TPRG1: variants seen among roughly 807,000 people sequenced by gnomAD.
TPRG1 encodes the protein tumor protein p63-regulated gene 1 protein.
In TPRG1, 29 loss-of-function variants were observed where a neutral mutation model predicts 29.3. The observed-to-expected ratio is 0.99, with a 90% CI of 0.74 to 1.35. TPRG1 has a LOEUF of 1.35. Ranked by LOEUF, TPRG1 falls within the 40% of genes most tolerant of loss-of-function variation. TPRG1 has a pLI of 0.00. For missense variants in TPRG1, 327 were observed against 335.0 expected (o/e 0.98, Z 0.19); for synonymous variants, 130 against 116.8 (o/e 1.11, Z -0.73).
chr3:189,149,771 G>A (rs757836116), intron 4 of TPRG1, among the ~76,000 whole-genome samples: 4 of 152,134 alleles, frequency 2.6e-5, no homozygotes, highest in South Asian at 4.2e-4. Flanking sequence ...GCCTGTGTCC[G>A]GAACTGCCTC....
intron 4 of TPRG1, among the ~76,000 whole-genome samples, chr3:189,271,186 C>A (rs1715064247): frequency 6.6e-6 from 1 of 152,188 alleles, no homozygotes; most frequent in South Asian, 2.1e-4. Flanking sequence ...AGGGCGTTTT[C>A]TACTGTAACA....
In TPRG1 at chr3:189,055,439, C is replaced by T. The variant is rs1205637453; in HGVS notation, c.-463+31493C>T. Among the ~76,000 whole-genome samples the T allele has an allele frequency of 5.9e-5, 9 of 152,184 alleles. No homozygotes were observed. The East Asian group carries it at 1.5e-3, about 26-fold the overall frequency. On this transcript the variant is annotated intron_variant, in intron 4 of 10. Coordinates refer to the TPRG1 transcript ENST00000433971. ...TATCAACCAGAGGTCCGCAAGGGCCCACTCAGGCTCTGATTCACAGGGAAG... is the reference window on the plus strand; with the variant it reads ...TATCAACCAGAGGTCCGCAAGGGCCTACTCAGGCTCTGATTCACAGGGAAG...
rs1740048857 is a variant in TPRG1 at position 189,239,037 on chromosome 3, T to C, written c.479+128T>C. 5 of 730,876 alleles carry C rather than the reference T, an allele frequency of 6.8e-6. No homozygotes were observed. In the East Asian group the frequency reaches 8.5e-5, roughly 12 times the overall value. The allele number at this position is 730,876 out of a possible 1,614,324, so 45.3% of individuals were successfully genotyped here. A position where few individuals can be genotyped will look rare whatever the true frequency, so the allele number is the denominator to read the frequency against. ...AGGGAGGATAGTGAAATCATGAAAG[T>C]TGAAATCATTAAACTAGAGTTCCTA... On this transcript the variant is annotated intron_variant, in intron 4 of 5. Coordinates refer to ENST00000345063, the MANE Select transcript of TPRG1 (RefSeq NM_198485.4).
chr3:189,026,321 G>A (rs948138818), intron 4 of TPRG1, among the ~76,000 whole-genome samples: 36 of 152,180 alleles, frequency 2.4e-4, no homozygotes, highest in African/African-American at 7.5e-4. Context: ...CTTCTTATAA[G>A]GACATCAGTC....
At chr3:189,316,968 C>T (rs1723639279) in intron 5 of TPRG1, among the ~76,000 whole-genome samples, 1 of 152,108 alleles carries the variant, frequency 6.6e-6, no homozygotes, top group South Asian at 2.1e-4. Context: ...TCTCTGTAAC[C>T]ATGCCCTCCC....
At chr3:189,036,776 T>C (rs1473625376) in intron 4 of TPRG1, among the ~76,000 whole-genome samples, 1 of 151,910 alleles carries the variant, frequency 6.6e-6, no homozygotes, top group Non-Finnish European at 1.5e-5. Context: ...AATTTAGATG[T>C]AATGTACAGA....
At chr3:189,135,709 T>A (rs1280136402) in intron 3 of TPRG1, among the ~76,000 whole-genome samples, 4 of 152,240 alleles carry the variant, frequency 2.6e-5, no homozygotes, top group African/African-American at 9.6e-5. Flanking sequence ...ACTTATTGGC[T>A]ATGGAACATC....
chr3:189,153,746 C>T (rs2108608077), intron 5 of TPRG1, among the ~76,000 whole-genome samples: 1 of 152,300 alleles, frequency 6.6e-6, no homozygotes, highest in East Asian at 1.9e-4. Flanking sequence ...GAGCTTGTTG[C>T]AGGCCAGAAA....
intron 1 of TPRG1, among the ~76,000 whole-genome samples, chr3:189,106,318 C>A (rs767986962): frequency 6.6e-6 from 1 of 152,100 alleles, no homozygotes; most frequent in Non-Finnish European, 1.5e-5. Flanking sequence ...TTGTCTGCAA[C>A]CCCAACCCTC....
chr3:189,078,533 G>T (rs1717377279), intron 4 of TPRG1, among the ~76,000 whole-genome samples: 1 of 152,152 alleles, frequency 6.6e-6, no homozygotes, highest in African/African-American at 2.4e-5. Flanking sequence ...AGCGAAGGAA[G>T]GTAGACCTGG....
chr3:189,102,533 G>A (rs1002002264), intron 1 of TPRG1, among the ~76,000 whole-genome samples: 11 of 152,226 alleles, frequency 7.2e-5, no homozygotes, highest in African/African-American at 2.4e-4. Flanking sequence ...ATCAGTTCTA[G>A]TATGTAAATT....
chr3:189,191,640 G>A (rs1731706969), intron 1 of TPRG1, among the ~76,000 whole-genome samples: 1 of 152,116 alleles, frequency 6.6e-6, no homozygotes, highest in South Asian at 2.1e-4. Flanking sequence ...TTAGCATTCA[G>A]CATTTTGGGA....
rs1431331744 is a variant in TPRG1, at chr3:189,321,861, G to A, written c.*1041G>A. 6.6e-6 allele frequency: 1 copy of A among 152,128 alleles called. No individual in the cohort carries two copies. The highest frequency in any genetic ancestry group is 1.9e-4 in the East Asian group (1 of 5,192). 9.4% of individuals were successfully genotyped at this position (152,128 alleles called of 1,614,324 possible). ...GCATCTTTCTTTCTAGGCCTCAGAG[G>A]TGCTGCATATGGAATGTCCATGGAT... On this transcript the variant is annotated 3_prime_UTR_variant, in exon 6 of 6. Transcript: ENST00000345063.
At chr3:189,251,294 A>C (rs1196578031) in intron 4 of TPRG1, among the ~76,000 whole-genome samples, 1 of 152,192 alleles carries the variant, frequency 6.6e-6, no homozygotes. Context: ...CTTTGGCTTA[A>C]TATGAAGGAA....
upstream of TPRG1, among the ~76,000 whole-genome samples, chr3:189,098,250 G>A (rs1208755654): frequency 1.3e-5 from 2 of 152,144 alleles, no homozygotes; most frequent in East Asian, 1.9e-4. Context: ...AACTAAGGAG[G>A]AGTGAACAGG....
chr3:189,041,971 A>C (rs1714661338), intron 4 of TPRG1, among the ~76,000 whole-genome samples: 1 of 152,158 alleles, frequency 6.6e-6, no homozygotes, highest in South Asian at 2.1e-4. Context: ...TTCTGATATG[A>C]AAATCAACTT....
chr3:189,085,585 A>G (rs1717884942), intron 4 of TPRG1, among the ~76,000 whole-genome samples: 1 of 152,108 alleles, frequency 6.6e-6, no homozygotes, highest in Non-Finnish European at 1.5e-5. Flanking sequence ...CCTAATTAAT[A>G]TATGTTCCTC....
chr3:189,045,067 G>A (rs1273442280), intron 4 of TPRG1, among the ~76,000 whole-genome samples: 1 of 152,160 alleles, frequency 6.6e-6, no homozygotes, highest in Non-Finnish European at 1.5e-5. Context: ...TCCAGCATAA[G>A]CTGAGCTGTA....
intron 4 of TPRG1, among the ~76,000 whole-genome samples, chr3:189,075,663 T>A (rs1043398516): frequency 1.3e-5 from 2 of 152,252 alleles, no homozygotes; most frequent in Non-Finnish European, 2.9e-5. Flanking sequence ...AGATTTGTGG[T>A]GATTTTAGAG....
Sources: allele counts gnomAD v4.1 joint callset (sites outside exome capture counted in the v4.1 genomes callset), GRCh38; gene constraint gnomAD v4.1.1; transcripts MANE v1.5; gene names NCBI Gene and HGNC (gene_info 2026-07-23, HGNC 2026-07-21).